Variants in AUTS2 observed in about 807,000 individuals in gnomAD.
AUTS2 encodes the protein activator of transcription and developmental regulator AUTS2, also known as autism susceptibility gene 2 protein.
Under a neutral mutation model 112.4 loss-of-function variants are expected in AUTS2, and 17 were observed. That is an observed-to-expected ratio of 0.15 (90% CI 0.10 to 0.23). The LOEUF (loss-of-function observed/expected upper bound fraction) is 0.23, where lower values mean the gene tolerates loss of function less well. AUTS2 is among the 10% of genes least tolerant of loss of function. The pLI is 1.00. For synonymous variants in AUTS2, 751 were observed against 702.7 expected (o/e 1.07, Z -1.09); for missense variants, 1,510 against 1,701.6 (o/e 0.89, Z 1.98).
intron 5 of AUTS2, among the ~76,000 whole-genome samples, chr7:70,656,633 G>A (rs1318311178): frequency 6.6e-6 from 1 of 152,164 alleles, no homozygotes; most frequent in African/African-American, 2.4e-5. Context: ...AGGTGACTTG[G>A]CCAGGATCCT....
At chr7:70,595,592 T>A (rs1292486361) in intron 5 of AUTS2, among the ~76,000 whole-genome samples, 1 of 152,048 alleles carries the variant, frequency 6.6e-6, no homozygotes, top group East Asian at 1.9e-4. Flanking sequence ...TTAGAAAGAC[T>A]AGGAATGAGG....
intron 2 of AUTS2, among the ~76,000 whole-genome samples, chr7:69,977,555 A>G (rs764181273): frequency 9.9e-5 from 15 of 152,182 alleles, no homozygotes; most frequent in Non-Finnish European, 2.1e-4. Context: ...TAGGTATAAC[A>G]ATATTAAAGC....
chr7:69,697,923 G>A (rs888825295), intron 1 of AUTS2, among the ~76,000 whole-genome samples: 12 of 152,154 alleles, frequency 7.9e-5, no homozygotes, highest in African/African-American at 2.2e-4. Flanking sequence ...CAGACATTTT[G>A]TGATAACACG....
At chr7:69,875,806 C>T (rs1562943262) in intron 1 of AUTS2, among the ~76,000 whole-genome samples, 1 of 152,202 alleles carries the variant, frequency 6.6e-6, no homozygotes, top group African/African-American at 2.4e-5. Context: ...AGCCTCTATG[C>T]ACCCTCTCAG....
At chr7:70,209,268 A>G (rs559402188) in intron 4 of AUTS2, among the ~76,000 whole-genome samples, 1 of 152,290 alleles carries the variant, frequency 6.6e-6, no homozygotes, top group Non-Finnish European at 1.5e-5. Flanking sequence ...GAGCAGCTGG[A>G]TGGCTGATAT....
At chr7:70,020,639 G>C (rs1266343226) in intron 2 of AUTS2, among the ~76,000 whole-genome samples, 1 of 152,062 alleles carries the variant, frequency 6.6e-6, no homozygotes, top group East Asian at 1.9e-4. Context: ...TTTCCGCTCA[G>C]TAGAGGATGC....
intron 2 of AUTS2, among the ~76,000 whole-genome samples, chr7:69,922,863 A>G (rs1795868064): frequency 6.6e-6 from 1 of 152,204 alleles, no homozygotes; most frequent in East Asian, 1.9e-4. Context: ...TTTTCTGTAC[A>G]TTCCCTTTCC....
chr7:70,153,177 A>G (rs1476372462), intron 4 of AUTS2, among the ~76,000 whole-genome samples: 1 of 152,204 alleles, frequency 6.6e-6, no homozygotes, highest in Non-Finnish European at 1.5e-5. Context: ...CCATATGTTC[A>G]TTATCAACTT....
At chr7:69,605,615 G>A (rs1028159554) in intron 1 of AUTS2, among the ~76,000 whole-genome samples, 6 of 152,178 alleles carry the variant, frequency 3.9e-5, no homozygotes, top group South Asian at 2.1e-4. Flanking sequence ...TTAAAACAAC[G>A]ATTTCAAATT....
At chr7:70,705,679 T>C (rs993718450) in intron 6 of AUTS2, among the ~76,000 whole-genome samples, 60 of 152,306 alleles carry the variant, frequency 3.9e-4, no homozygotes, top group African/African-American at 1.2e-3. Flanking sequence ...TAGCTGAGCT[T>C]GCCTGGACTT....
chr7:70,584,901 A>T (rs188548692), intron 5 of AUTS2, among the ~76,000 whole-genome samples: 1 of 152,262 alleles, frequency 6.6e-6, no homozygotes, highest in African/African-American at 2.4e-5. Flanking sequence ...TCACCCAGCC[A>T]GGAGCATGTA....
intron 1 of AUTS2, among the ~76,000 whole-genome samples, chr7:69,865,771 C>A (rs1279300585): frequency 6.6e-6 from 1 of 152,134 alleles, no homozygotes; most frequent in Non-Finnish European, 1.5e-5. Context: ...ATCCATTATA[C>A]AAAAAAGCCA....
chr7:70,736,039 C>CGTGT (rs10665701), intron 6 of AUTS2, among the ~76,000 whole-genome samples: 7 of 151,266 alleles, frequency 4.6e-5, no homozygotes, highest in African/African-American at 9.7e-5. Flanking sequence ...TTTTATTATA[C>CGTGT]GTGTGTGTGT....
At chr7:70,175,187 T>C (rs1026564577) in intron 4 of AUTS2, among the ~76,000 whole-genome samples, 7 of 152,180 alleles carry the variant, frequency 4.6e-5, no homozygotes, top group African/African-American at 1.7e-4. Context: ...GTTCAAGGCT[T>C]CAGTAGAGGA....
intron 2 of AUTS2, among the ~76,000 whole-genome samples, chr7:70,047,569 A>G (rs1253944922): frequency 1.3e-5 from 2 of 152,190 alleles, no homozygotes; most frequent in African/African-American, 4.8e-5. Context: ...GCATTTTACA[A>G]GGTGTGCAGT....
intron 2 of AUTS2, among the ~76,000 whole-genome samples, chr7:69,932,301 C>A (rs1796255276): frequency 6.6e-6 from 1 of 152,078 alleles, no homozygotes; most frequent in African/African-American, 2.4e-5. Context: ...GTAGAGCATC[C>A]CAGCTGGTAT....
chr7:70,336,421 A>G (rs538793541), intron 4 of AUTS2, among the ~76,000 whole-genome samples: 5 of 152,168 alleles, frequency 3.3e-5, no homozygotes, highest in Admixed American at 6.5e-5. Flanking sequence ...ATAAATGCCT[A>G]TGTTTTCTAT....
chr7:70,734,680 A>G (rs1312485652), intron 6 of AUTS2, among the ~76,000 whole-genome samples: 3 of 152,178 alleles, frequency 2.0e-5, no homozygotes, highest in Non-Finnish European at 4.4e-5. Context: ...TTCCAGAAAT[A>G]GAAAATAAAG....
At chr7:70,155,475 T>C (rs962394464) in intron 4 of AUTS2, among the ~76,000 whole-genome samples, 52 of 151,976 alleles carry the variant, frequency 3.4e-4, no homozygotes, top group African/African-American at 1.2e-3. Flanking sequence ...TTTTTTTTTT[T>C]TCAGAGATCA....
Sources: gnomAD v4.1 joint callset for allele counts (sites outside exome capture counted in the v4.1 genomes callset) on GRCh38, gnomAD v4.1.1 for gene constraint, MANE v1.5 for transcripts, NCBI Gene and HGNC (gene_info 2026-07-23, HGNC 2026-07-21) for gene names.